NARS2: variants seen among roughly 807,000 people sequenced by gnomAD.
NARS2 encodes asparaginyl-tRNA synthetase 2, mitochondrial, also known as asparaginyl-tRNA synthetase.
NARS2 carries 60 observed loss-of-function variants against 62.9 expected under a neutral mutation model. The observed-to-expected ratio is 0.95, with a 90% confidence interval of 0.77 to 1.18. NARS2 has a LOEUF of 1.18. Ranked by LOEUF, NARS2 falls within the 50% of genes most tolerant of loss-of-function variation. The pLI is 0.00. For synonymous variants in NARS2, 196 were observed against 200.0 expected, an observed-to-expected ratio of 0.98 and a Z score of 0.17; for missense variants, 619 against 576.4, an observed-to-expected ratio of 1.07 and a Z score of -0.76.
chr11:78,568,902 G>A, intron 2 of NARS2, 150 bp from the exon 3 acceptor site: 1 of 580,690 alleles, frequency 1.7e-6, no homozygotes, highest in Non-Finnish European at 2.9e-6. Context: ...TGGATAATCT[G>A]TCGTATAAAT....
At chr11:78,549,833 G>A (rs1176871867) in intron 5 of NARS2, among the ~76,000 whole-genome samples, 2 of 152,044 alleles carry the variant, frequency 1.3e-5, no homozygotes, top group Non-Finnish European at 2.9e-5. Flanking sequence ...GGCAGCATCA[G>A]AGGCTTCACA....
intron 4 of NARS2, among the ~76,000 whole-genome samples, chr11:78,563,215 A>ATTTTTTTTT (rs71046983): frequency 8.6e-6 from 1 of 115,708 alleles, no homozygotes; most frequent in Non-Finnish European, 1.7e-5. Flanking sequence ...AACCACTTGA[A>ATTTTTTTTT]TTTTTTTTTT....
intron 11 of NARS2, among the ~76,000 whole-genome samples, chr11:78,444,727 C>CAAAGAAAAAAAAAAAA (rs56788561): frequency 5.4e-5 from 5 of 92,406 alleles, no homozygotes; most frequent in African/African-American, 1.8e-4. Context: ...TCAAACAAAA[C>CAAAGAAAAAAAAAAAA]AAAAAAAAAA....
At chr11:78,558,088 T>C (rs1005088558) in intron 5 of NARS2, among the ~76,000 whole-genome samples, 6 of 152,134 alleles carry the variant, frequency 3.9e-5, no homozygotes, top group African/African-American at 1.4e-4. Context: ...AATTCTTGGC[T>C]TCACTATGCA....
chr11:78,453,051 T>C (rs1858030034), intron 11 of NARS2, among the ~76,000 whole-genome samples: 1 of 152,208 alleles, frequency 6.6e-6, no homozygotes, highest in Non-Finnish European at 1.5e-5. Context: ...GTTGACCAAA[T>C]TTGAGCACTT....
intron 5 of NARS2, among the ~76,000 whole-genome samples, chr11:78,551,843 C>G (rs940461988): frequency 6.6e-6 from 1 of 151,266 alleles, no homozygotes; most frequent in Non-Finnish European, 1.5e-5. Context: ...AAGAGCGAGA[C>G]TTTGTCTCAA....
intron 5 of NARS2, among the ~76,000 whole-genome samples, chr11:78,542,530 T>C (rs10899546): frequency 0.031 from 4,684 of 152,278 alleles, 318 homozygotes; most frequent in East Asian, 0.27. Context: ...CCTAGTCCGT[T>C]AACTAGGACT....
At chr11:78,544,299 G>A (rs1296443008) in intron 5 of NARS2, among the ~76,000 whole-genome samples, 1 of 152,166 alleles carries the variant, frequency 6.6e-6, no homozygotes, top group African/African-American at 2.4e-5. Context: ...GTCCTTTTTA[G>A]AGGGAATGTT....
intron 11 of NARS2, among the ~76,000 whole-genome samples, chr11:78,459,589 G>A (rs1480616261): frequency 2.0e-5 from 3 of 152,086 alleles, no homozygotes; most frequent in Non-Finnish European, 2.9e-5. Flanking sequence ...GTTTTATGAG[G>A]TGTTTCCGCT....
chr11:78,521,165 T>C (rs1861106580), intron 6 of NARS2, among the ~76,000 whole-genome samples: 1 of 149,878 alleles, frequency 6.7e-6, no homozygotes, highest in Non-Finnish European at 1.5e-5. Flanking sequence ...TCTCTCTCTT[T>C]CTTTTTTTTT....
intron 11 of NARS2, among the ~76,000 whole-genome samples, chr11:78,455,356 G>A (rs527645635): frequency 6.6e-6 from 1 of 152,208 alleles, no homozygotes; most frequent in South Asian, 2.1e-4. Flanking sequence ...AACCTGTGAT[G>A]ATACAAGTGT....
chr11:78,447,889 T>C (rs1857818912), intron 11 of NARS2, among the ~76,000 whole-genome samples: 2 of 152,102 alleles, frequency 1.3e-5, no homozygotes, highest in African/African-American at 2.4e-5. Context: ...GGGTACAAAG[T>C]TTCAGATGGA....
At chr11:78,484,994 A>G (rs1859510539) in intron 7 of NARS2, among the ~76,000 whole-genome samples, 1 of 152,254 alleles carries the variant, frequency 6.6e-6, no homozygotes, top group South Asian at 2.1e-4. Context: ...AATGCCCATC[A>G]GTGATAGACT....
chr11:78,510,726 A>T (rs1486320937), intron 6 of NARS2, among the ~76,000 whole-genome samples: 1 of 152,226 alleles, frequency 6.6e-6, no homozygotes, highest in Admixed American at 6.5e-5. Context: ...AAAAATTGTG[A>T]ATGTACTTAA....
At chr11:78,531,448 G>A (rs996119496) in intron 5 of NARS2, among the ~76,000 whole-genome samples, 1 of 152,166 alleles carries the variant, frequency 6.6e-6, no homozygotes, top group African/African-American at 2.4e-5. Context: ...AAAAAGTTTG[G>A]TGGTTCCTTA....
At chr11:78,574,280 A>T in intron 1 of NARS2, 68 bp downstream of exon 1, 1 of 1,596,586 alleles carries the variant, frequency 6.3e-7, no homozygotes, top group Non-Finnish European at 8.6e-7. Flanking sequence ...GTAAAAGAAA[A>T]GCTAGATGTG....
chr11:78,516,237 T>C (rs560508035), intron 6 of NARS2, among the ~76,000 whole-genome samples: 5 of 152,298 alleles, frequency 3.3e-5, no homozygotes, highest in Non-Finnish European at 5.9e-5. Context: ...ACAACATGTA[T>C]TAGGATAACT....
At chr11:78,531,391 T>C (rs558094772) in intron 5 of NARS2, among the ~76,000 whole-genome samples, 1 of 152,258 alleles carries the variant, frequency 6.6e-6, no homozygotes, top group African/African-American at 2.4e-5. Context: ...TTGATAACTA[T>C]GGAACGAAAC....
At chr11:78,467,296 C>T (rs969691282) in intron 10 of NARS2, among the ~76,000 whole-genome samples, 2 of 152,128 alleles carry the variant, frequency 1.3e-5, no homozygotes, top group East Asian at 3.8e-4. Flanking sequence ...TGCCTTTAAT[C>T]CCAGCACCTT....
Sources: gnomAD v4.1 joint callset for allele counts (sites outside exome capture counted in the v4.1 genomes callset) on GRCh38, gnomAD v4.1.1 for gene constraint, MANE v1.5 for transcripts, NCBI Gene and HGNC (gene_info 2026-07-23, HGNC 2026-07-21) for gene names.